Variants in VWA8 observed in about 807,000 individuals in gnomAD.
The protein encoded by VWA8 is von Willebrand factor A domain-containing protein 8.
In VWA8, 221 loss-of-function variants were observed where a neutral mutation model predicts 241.5. The observed-to-expected ratio is 0.91, with a 90% CI of 0.82 to 1.02. VWA8 has a LOEUF of 1.02. Ranked by LOEUF, VWA8 falls within the 50% of genes least tolerant of loss-of-function variation. The pLI is 0.00. For synonymous variants in VWA8, 852 were observed against 827.1 expected, an observed-to-expected ratio of 1.03 and a Z score of -0.52; for missense variants, 2,322 against 2,328.7, an observed-to-expected ratio of 1.00 and a Z score of 0.06.
At chr13:41,850,724 C>A (rs1177181226) in intron 12 of VWA8, among the ~76,000 whole-genome samples, 1 of 152,132 alleles carries the variant, frequency 6.6e-6, no homozygotes, top group Non-Finnish European at 1.5e-5. Context: ...CCTATCAAGG[C>A]CAGTCTATAA....
intron 37 of VWA8, among the ~76,000 whole-genome samples, chr13:41,620,149 CT>C (rs1235108283): frequency 3.3e-5 from 5 of 152,020 alleles, no homozygotes; most frequent in African/African-American, 1.2e-4. Context: ...ATTTCAGGGC[CT>C]GTTATTGGTC....
At chr13:41,787,180 A>G (rs180971097) in intron 18 of VWA8, among the ~76,000 whole-genome samples, 2 of 146,350 alleles carry the variant, frequency 1.4e-5, no homozygotes, top group African/African-American at 5.1e-5. Context: ...AGTATCAATT[A>G]GTATCAATTG....
chr13:41,605,741 A>G (rs917805295), intron 39 of VWA8, among the ~76,000 whole-genome samples: 1 of 152,160 alleles, frequency 6.6e-6, no homozygotes, highest in Non-Finnish European at 1.5e-5. Flanking sequence ...TAAGATCGAG[A>G]TCATGTATTT....
chr13:41,654,510 T>C (rs2044889206), intron 37 of VWA8, among the ~76,000 whole-genome samples: 1 of 152,172 alleles, frequency 6.6e-6, no homozygotes. Flanking sequence ...GGCATTAGAT[T>C]CTCATAAGGA....
intron 20 of VWA8, among the ~76,000 whole-genome samples, chr13:41,772,234 G>A (rs2045829629): frequency 1.3e-5 from 2 of 152,112 alleles, no homozygotes; most frequent in Non-Finnish European, 2.9e-5. Context: ...GGCACTTATG[G>A]CTGATTCTAT....
chr13:41,916,018 G>A (rs1220978162), intron 2 of VWA8, among the ~76,000 whole-genome samples: 3 of 152,124 alleles, frequency 2.0e-5, no homozygotes, highest in Non-Finnish European at 4.4e-5. Flanking sequence ...AAGACAGATT[G>A]GCTGGGTTCA....
At chr13:41,673,980 T>C (rs1339684907) in intron 36 of VWA8, among the ~76,000 whole-genome samples, 1 of 152,254 alleles carries the variant, frequency 6.6e-6, no homozygotes, top group Admixed American at 6.5e-5. Context: ...TTAAAAAAGA[T>C]GTTATTTGCT....
chr13:41,659,557 T>C (rs945051214), intron 37 of VWA8, among the ~76,000 whole-genome samples: 3 of 152,190 alleles, frequency 2.0e-5, no homozygotes, highest in Non-Finnish European at 4.4e-5. Flanking sequence ...GTGAAAACAG[T>C]GTTCACAACT....
At chr13:41,617,176 T>TG (rs1196855412) in intron 37 of VWA8, among the ~76,000 whole-genome samples, 1 of 152,020 alleles carries the variant, frequency 6.6e-6, no homozygotes, top group Non-Finnish European at 1.5e-5. Context: ...TGGAGTGCAG[T>TG]GGTGCAATCT....
intron 37 of VWA8, among the ~76,000 whole-genome samples, chr13:41,640,142 A>G (rs1461971816): frequency 2.0e-5 from 3 of 152,196 alleles, no homozygotes; most frequent in Non-Finnish European, 4.4e-5. Flanking sequence ...AAGACAGATA[A>G]TTATCTAGAG....
intron 14 of VWA8, among the ~76,000 whole-genome samples, chr13:41,821,782 T>G (rs184473887): frequency 7.2e-5 from 11 of 152,300 alleles, no homozygotes; most frequent in Admixed American, 1.3e-4. Flanking sequence ...TCTGTGGGCA[T>G]AAGTGTGAGT....
Position 41,891,552 on chromosome 13 carries a change from G to A in VWA8, c.519C>T (p.Leu173=), listed in dbSNP as rs918209245. 4.3e-6 allele frequency: 7 copies of A among 1,614,026 alleles called. No individual in the cohort carries two copies. Among genetic ancestry groups the A allele is most frequent in the African/African-American group, 1.3e-5 (1 of 74,934 alleles). Residue 173 remains leucine, a synonymous_variant, in exon 5 of 45, where the codon CTC becomes CTT. Transcript: ENST00000379310. ...AVRAATEGRT[L]ILEGLEKAER... ...CTGCCTTTTCCAAACCTTCCAAAAT[G>A]AGAGTTCTGCCTTCTGTGGCTGCAC...
rs368366160 is a variant in VWA8 at position 41,936,015 on chromosome 13, A to C, written c.241+13921T>G. 7.2e-5 allele frequency among the ~76,000 whole-genome samples: 11 copies of C among 152,234 alleles called. No individual in the cohort carries two copies. In the East Asian group the frequency reaches 1.3e-3, roughly 19 times the overall value. ...AAATGCTGTAATACATAATATGTAC[A>C]TTTATCCTTTTTTAGGTACTGATTT... On this transcript the variant is annotated intron_variant, in intron 2 of 44. Coordinates refer to ENST00000379310, the MANE Select transcript of VWA8 (RefSeq NM_015058.2).
chr13:41,642,226 T>C lies in VWA8; in HGVS notation c.4612-27142A>G, dbSNP rs79141040. On this transcript the variant is annotated intron_variant, in intron 37 of 44. Transcript: ENST00000379310. ...ACCATTTGATAGAAAGAAGCATACA[T>C]GCTTGCCTATAAAATGTTTAAGACC... Among the ~76,000 whole-genome samples the C allele has an allele frequency of 1.1e-4, 17 of 152,296 alleles. No homozygotes were observed. In the East Asian group the frequency reaches 2.7e-3, roughly 24 times the overall value.
intron 20 of VWA8, among the ~76,000 whole-genome samples, chr13:41,761,884 G>A (rs2045742972): frequency 6.6e-6 from 1 of 151,908 alleles, no homozygotes. Context: ...CTATTTCAAA[G>A]TTTTCACTTA....
At chr13:41,615,114 T>C (rs2044612962) in intron 37 of VWA8, 30 bp from the exon 38 acceptor site, 9 of 1,609,168 alleles carry the variant, frequency 5.6e-6, no homozygotes, top group South Asian at 5.5e-5. Context: ...ACATTTTTAC[T>C]ATCCTGTGAC....
chr13:41,955,869 C>CTGCTTA (rs1208003516), intron 1 of VWA8: 12 of 152,276 alleles, frequency 7.9e-5, no homozygotes, highest in Admixed American at 3.9e-4. Context: ...ACTGATGAGA[C>CTGCTTA]CGTGTTCAAG....
At chr13:41,921,516 C>G (rs150891025) in intron 2 of VWA8, among the ~76,000 whole-genome samples, 1,676 of 152,282 alleles carry the variant, frequency 0.011, 33 homozygotes, top group African/African-American at 0.039. Context: ...TTGCAGATGA[C>G]ATGACTGTAT....
intron 2 of VWA8, among the ~76,000 whole-genome samples, chr13:41,918,662 A>C (rs1343435903): frequency 1.3e-5 from 2 of 152,182 alleles, no homozygotes; most frequent in Admixed American, 6.5e-5. Context: ...TGCTTTAGAA[A>C]ATATTTTACA....
Sources: gnomAD v4.1 joint callset for allele counts (sites outside exome capture counted in the v4.1 genomes callset) on GRCh38, gnomAD v4.1.1 for gene constraint, MANE v1.5 for transcripts, NCBI Gene and HGNC (gene_info 2026-07-23, HGNC 2026-07-21) for gene names.